EXOC4: variants seen among roughly 807,000 people sequenced by gnomAD.
EXOC4 encodes SEC8-like 1.
EXOC4 carries 71 observed loss-of-function variants against 107.2 expected under a neutral mutation model. The observed-to-expected ratio is 0.66, with a 90% confidence interval of 0.55 to 0.81. The LOEUF is 0.81. Ranked by LOEUF, EXOC4 falls within the 30% of genes least tolerant of loss-of-function variation. EXOC4 has a pLI of 0.00. For missense variants in EXOC4, 1,108 were observed against 1,189.6 expected, an observed-to-expected ratio of 0.93 and a Z score of 1.01; for synonymous variants, 456 against 441.2, an observed-to-expected ratio of 1.03 and a Z score of -0.42.
At chr7:133,321,957 C>T (rs1335795808) in intron 5 of EXOC4, among the ~76,000 whole-genome samples, 1 of 152,198 alleles carries the variant, frequency 6.6e-6, no homozygotes, top group Non-Finnish European at 1.5e-5. Flanking sequence ...TTTTGATTTG[C>T]ATTTCTCTGA....
intron 10 of EXOC4, among the ~76,000 whole-genome samples, chr7:133,701,486 A>G (rs1304563740): frequency 5.3e-5 from 8 of 152,144 alleles, no homozygotes; most frequent in Non-Finnish European, 1.2e-4. Context: ...CCCATTATCC[A>G]TGGGAAAGAC....
intron 14 of EXOC4, among the ~76,000 whole-genome samples, chr7:133,957,842 A>G (rs2971967): frequency 0.71 from 108,349 of 151,702 alleles, 39,157 homozygotes; most frequent in East Asian, 0.91. Flanking sequence ...CCATGTTGCA[A>G]TCTCCTTAAT....
intron 5 of EXOC4, 66 bp from the exon 6 acceptor site, chr7:133,356,264 G>C (rs1796017813): frequency 6.5e-7 from 1 of 1,526,930 alleles, no homozygotes; most frequent in Admixed American, 1.8e-5. Flanking sequence ...TCGTTTATTA[G>C]ACTGCTCTGT....
At chr7:133,602,548 T>G (rs1194360236) in intron 9 of EXOC4, among the ~76,000 whole-genome samples, 1 of 152,206 alleles carries the variant, frequency 6.6e-6, no homozygotes, top group African/African-American at 2.4e-5. Context: ...GTAACAAAAT[T>G]AACACGGGGT....
intron 10 of EXOC4, among the ~76,000 whole-genome samples, chr7:133,763,751 A>G (rs1796081306): frequency 6.6e-6 from 1 of 152,042 alleles, no homozygotes; most frequent in Admixed American, 6.6e-5. Flanking sequence ...GGGGGAAATT[A>G]TAGTTTTTGT....
At chr7:133,562,702 T>C (rs1214106396) in intron 9 of EXOC4, among the ~76,000 whole-genome samples, 1 of 152,210 alleles carries the variant, frequency 6.6e-6, no homozygotes, top group African/African-American at 2.4e-5. Context: ...CACTGAGTCA[T>C]TGTAGTTTCT....
chr7:133,429,814 G>C (rs888466140), intron 7 of EXOC4, among the ~76,000 whole-genome samples: 9 of 152,230 alleles, frequency 5.9e-5, no homozygotes, highest in Admixed American at 5.9e-4. Context: ...TCATGAGACA[G>C]GAGAATTCCC....
At chr7:133,536,236 A>G (rs1026351457) in intron 9 of EXOC4, among the ~76,000 whole-genome samples, 1 of 152,222 alleles carries the variant, frequency 6.6e-6, no homozygotes, top group Non-Finnish European at 1.5e-5. Context: ...TACTCAGAAT[A>G]AATGTTCAAC....
At chr7:133,309,342 A>C (rs551460948) in intron 4 of EXOC4, among the ~76,000 whole-genome samples, 1 of 152,304 alleles carries the variant, frequency 6.6e-6, no homozygotes, top group South Asian at 2.1e-4. Context: ...AAATCTATAA[A>C]GTTGAATGGA....
At chr7:133,707,764 C>T (rs997079875) in intron 10 of EXOC4, among the ~76,000 whole-genome samples, 10 of 152,000 alleles carry the variant, frequency 6.6e-5, no homozygotes, top group African/African-American at 1.5e-4. Context: ...TACAGGCGCA[C>T]GCCACCACGC....
intron 7 of EXOC4, among the ~76,000 whole-genome samples, chr7:133,444,151 C>T (rs961474870): frequency 9.2e-5 from 14 of 152,062 alleles, no homozygotes; most frequent in Non-Finnish European, 1.8e-4. Context: ...TCAGGAGAAG[C>T]CAAATTATAA....
At chr7:134,091,447 G>T in the EXOC4 span, among the ~76,000 whole-genome samples, 229 of 152,142 alleles carry the variant, frequency 1.5e-3, 7 homozygotes, top group Admixed American at 0.015. Flanking sequence ...GTAGGTTTTA[G>T]TCGGCTTCTT....
intron 9 of EXOC4, among the ~76,000 whole-genome samples, chr7:133,485,724 C>T (rs1010250166): frequency 8.5e-5 from 13 of 152,086 alleles, no homozygotes; most frequent in South Asian, 2.1e-4. Flanking sequence ...TTGAATTAGG[C>T]GCTTTAAGAC....
intron 17 of EXOC4, among the ~76,000 whole-genome samples, chr7:134,052,101 T>G (rs905525094): frequency 2.0e-5 from 3 of 152,198 alleles, no homozygotes; most frequent in Non-Finnish European, 2.9e-5. Context: ...AAGACGTCAT[T>G]GACGACCCTT....
At chr7:134,060,282 T>C (rs932899284) in intron 17 of EXOC4, among the ~76,000 whole-genome samples, 22 of 152,208 alleles carry the variant, frequency 1.4e-4, no homozygotes, top group Admixed American at 4.6e-4. Flanking sequence ...GCACATCTCC[T>C]TCCAGAATGT....
intron 4 of EXOC4, among the ~76,000 whole-genome samples, chr7:133,308,437 A>C (rs1416290590): frequency 1.3e-5 from 2 of 152,208 alleles, no homozygotes; most frequent in Non-Finnish European, 2.9e-5. Context: ...GTGAAGACAC[A>C]GGGAGAAGAT....
At chr7:133,809,807 G>A (rs561939808) in intron 10 of EXOC4, among the ~76,000 whole-genome samples, 1 of 152,280 alleles carries the variant, frequency 6.6e-6, no homozygotes, top group East Asian at 1.9e-4. Context: ...CACATTAAAA[G>A]ACATAATTAG....
At chr7:134,044,794 C>T (rs1448598271) in intron 17 of EXOC4, among the ~76,000 whole-genome samples, 2 of 152,358 alleles carry the variant, frequency 1.3e-5, no homozygotes, top group Non-Finnish European at 2.9e-5. Flanking sequence ...TAGCACTTTA[C>T]AATCGACATA....
At chr7:133,648,298 A>C (rs1159476685) in intron 10 of EXOC4, among the ~76,000 whole-genome samples, 1 of 152,194 alleles carries the variant, frequency 6.6e-6, no homozygotes, top group Non-Finnish European at 1.5e-5. Context: ...AACTTTTAGC[A>C]ACCTCACATG....
Sources: gnomAD v4.1 joint callset for allele counts (sites outside exome capture counted in the v4.1 genomes callset) on GRCh38, gnomAD v4.1.1 for gene constraint, MANE v1.5 for transcripts, NCBI Gene and HGNC (gene_info 2026-07-23, HGNC 2026-07-21) for gene names.